The following LCOR variants were observed in gnomAD, a reference collection of about 807,000 sequenced individuals.
LCOR encodes ligand dependent nuclear receptor corepressor.
A neutral mutation model predicts 64.4 loss-of-function variants in LCOR; 14 were observed. That is an observed-to-expected ratio of 0.22 (90% CI 0.14 to 0.34). The LOEUF (loss-of-function observed/expected upper bound fraction) is 0.34, where lower values mean the gene tolerates loss of function less well. LCOR is among the 10% of genes least tolerant of loss of function. The pLI, the probability that LCOR is intolerant of heterozygous loss-of-function variation, is 1.00. For missense variants in LCOR, 1,686 were observed against 1,765.3 expected, an observed-to-expected ratio of 0.96 and a Z score of 0.80; for synonymous variants, 643 against 642.5, an observed-to-expected ratio of 1.00 and a Z score of -0.01.
At chr10:96,944,031 TACTA>T (rs1589673752) in intron 4 of LCOR, 78 bp from the exon 5 acceptor site, 1 of 853,648 alleles carries the variant, frequency 1.2e-6, no homozygotes. Context: ...CCTTATTTGC[TACTA>T]ACTTTGATTT....
intron 2 of LCOR, among the ~76,000 whole-genome samples, chr10:96,872,408 G>C (rs1846086852): frequency 6.6e-6 from 1 of 152,184 alleles, no homozygotes; most frequent in Non-Finnish European, 1.5e-5. Context: ...AAATAAAGGA[G>C]GAGGCTGGGT....
At position 96,957,146 on chromosome 10, in the gene LCOR, G is replaced by T. The variant is rs187340010; in HGVS notation, c.332+4950G>T. 7.9e-4 allele frequency: 781 copies of T among 984,930 alleles called. 6 individuals are homozygous for T. In the African/African-American group the frequency reaches 0.013, roughly 16 times the overall value. The allele number at this position is 984,930 out of a possible 1,614,324, so 61.0% of individuals were successfully genotyped here. A position where few individuals can be genotyped will look rare whatever the true frequency, so the allele number is the denominator to read the frequency against. On this transcript the variant is annotated intron_variant, in intron 7 of 7. Coordinates refer to ENST00000421806, the MANE Select transcript of LCOR (RefSeq NM_001346516.2). ...TTAACTGATCCAAATACTAGTAGAA[G>T]GGGGAGGGAGAGGTGTTGGGTTTTT...
intron 2 of LCOR, among the ~76,000 whole-genome samples, chr10:96,835,315 T>C (rs1372017009): frequency 6.6e-6 from 1 of 152,244 alleles, no homozygotes; most frequent in Non-Finnish European, 1.5e-5. Context: ...TGATCAAATT[T>C]CTTAAAGCAT....
Position 96,866,961 on chromosome 10 carries a change from G to T in LCOR, c.-330+33482G>T, listed in dbSNP as rs529587952. Among the ~76,000 whole-genome samples the T allele has an allele frequency of 3.3e-5, 5 of 152,170 alleles. No homozygotes were observed. The East Asian group carries it at 7.7e-4, about 24-fold the overall frequency. The stretch of plus-strand genomic sequence containing the variant: ...AGATTGGTTTTTCCACATTTTGCCA[G>T]ATTTTTCGTATTTGTCAGTCTTTTC... On this transcript the variant is annotated intron_variant, in intron 2 of 7. Transcript: ENST00000421806.
intron 7 of LCOR, among the ~76,000 whole-genome samples, chr10:96,971,987 G>A (rs1387756129): frequency 6.6e-6 from 1 of 151,960 alleles, no homozygotes; most frequent in Non-Finnish European, 1.5e-5. Context: ...ACTTAGTTCA[G>A]TTCTACCCCC....
chr10:96,878,272 T>TA (rs1490514325), intron 2 of LCOR, among the ~76,000 whole-genome samples: 2 of 152,222 alleles, frequency 1.3e-5, no homozygotes, highest in South Asian at 4.1e-4. Flanking sequence ...CTTACGTTGA[T>TA]AATTGGCCAG....
At position 96,917,690 on chromosome 10, in the gene LCOR, ATAAT is replaced by A. The variant is rs1358018102; in HGVS notation, c.-184+9945_-184+9948del. ...GAGAAAATTATGGGAGGGTCTTATAATAATTCACAAAATGAAACTGTTCTAGAGT... is the reference window on the plus strand; with the variant it reads ...GAGAAAATTATGGGAGGGTCTTATAATCACAAAATGAAACTGTTCTAGAGT... On this transcript the variant is annotated intron_variant, in intron 4 of 7. Coordinates refer to ENST00000421806, the MANE Select transcript of LCOR (RefSeq NM_001346516.2). 2.6e-5 allele frequency among the ~76,000 whole-genome samples: 4 copies of A among 152,178 alleles called. No individual in the cohort carries two copies. The South Asian group carries it at 6.2e-4, about 24-fold the overall frequency.
chr10:96,917,085 G>A (rs1158590494), intron 4 of LCOR, among the ~76,000 whole-genome samples: 1 of 152,194 alleles, frequency 6.6e-6, no homozygotes, highest in Non-Finnish European at 1.5e-5. Context: ...ATATGAATCA[G>A]TGCTCAGTAA....
chr10:96,911,620 G>A (rs1846836393), intron 4 of LCOR, among the ~76,000 whole-genome samples: 1 of 152,148 alleles, frequency 6.6e-6, no homozygotes, highest in Admixed American at 6.5e-5. Flanking sequence ...GAAAGAGGGA[G>A]GGAATCCTCA....
At chr10:96,930,566 C>T (rs1480442633) in intron 4 of LCOR, among the ~76,000 whole-genome samples, 4 of 152,162 alleles carry the variant, frequency 2.6e-5, no homozygotes, top group African/African-American at 9.7e-5. Flanking sequence ...ACTGTCATTT[C>T]CCTTCAACCC....
intron 4 of LCOR, among the ~76,000 whole-genome samples, chr10:96,935,340 G>A (rs1704942898): frequency 6.6e-6 from 1 of 151,494 alleles, no homozygotes; most frequent in South Asian, 2.1e-4. Flanking sequence ...GCGGAGATGG[G>A]GTTTCACCAT....
chr10:96,931,270 G>A lies in LCOR; in HGVS notation c.-183-12843G>A, dbSNP rs866878833. ...TTTCTTTGAGATGGAGTCTTGCTCT[G>A]TTTCCCAGGCTAGAGTGCAGTGGTG... On this transcript the variant is annotated intron_variant, in intron 4 of 7. Transcript: ENST00000421806. Among the ~76,000 whole-genome samples the A allele has an allele frequency of 1.7e-3, 238 of 143,818 alleles. 1 individual carries two copies. Among genetic ancestry groups the A allele is most frequent in the African/African-American group, 5.9e-3 (228 of 38,896 alleles). 94.4% of individuals were successfully genotyped at this position (143,818 alleles called of 152,430 possible).
At chr10:96,874,588 A>G (rs948239034) in intron 2 of LCOR, among the ~76,000 whole-genome samples, 2 of 152,126 alleles carry the variant, frequency 1.3e-5, no homozygotes, top group East Asian at 1.9e-4. Context: ...TACTCTGCAA[A>G]TAATAGACCA....
chr10:96,971,858 A>G (rs1848001875), intron 7 of LCOR, among the ~76,000 whole-genome samples: 1 of 152,210 alleles, frequency 6.6e-6, no homozygotes, highest in Non-Finnish European at 1.5e-5. Context: ...TCTAGCATAG[A>G]GTATCTAAAT....
At chr10:96,963,608 G>C (rs949913828) in intron 7 of LCOR, 1 of 152,166 alleles carries the variant, frequency 6.6e-6, no homozygotes, top group Non-Finnish European at 1.5e-5. Flanking sequence ...CAGAGGTCTA[G>C]GTCTGCATAT....
intron 1 of LCOR, chr10:96,832,963 C>A: frequency 2.0e-6 from 2 of 982,044 alleles, no homozygotes; most frequent in Non-Finnish European, 2.4e-6. Flanking sequence ...GTGTGCGAAG[C>A]GTGAGGTGGA....
chr10:96,888,294 G>A (rs1018377267), intron 2 of LCOR, among the ~76,000 whole-genome samples: 1 of 147,800 alleles, frequency 6.8e-6, no homozygotes, highest in Non-Finnish European at 1.5e-5. Flanking sequence ...GAACCCGGTG[G>A]GCGGAGGTTG....
Position 96,981,819 on chromosome 10 carries a change from G to A in LCOR, c.1359G>A (p.Arg453=), listed in dbSNP as rs187376408. ...TATCAACCTCCATCAAGACAGCTCGGAAAAGTAAAAGGGCATCAGGGCTGA... is the reference window on the plus strand; with the variant it reads ...TATCAACCTCCATCAAGACAGCTCGAAAAAGTAAAAGGGCATCAGGGCTGA... ...KMISTSIKTA[R]KSKRASGLRI... Residue 453 remains arginine, a synonymous_variant, in exon 8 of 8, where the codon CGG becomes CGA. Coordinates refer to ENST00000421806, the MANE Select transcript of LCOR (RefSeq NM_001346516.2). 5 of 1,614,194 alleles carry A rather than the reference G, an allele frequency of 3.1e-6. No homozygotes were observed. The East Asian group carries it at 1.1e-4, about 36-fold the overall frequency.
At chr10:96,887,309 T>G (rs1449494983) in intron 2 of LCOR, among the ~76,000 whole-genome samples, 6 of 152,168 alleles carry the variant, frequency 3.9e-5, no homozygotes, top group African/African-American at 1.4e-4. Flanking sequence ...GGCTCACGCT[T>G]GTAATCCCAG....
Sources: allele counts gnomAD v4.1 joint callset (sites outside exome capture counted in the v4.1 genomes callset), GRCh38; gene constraint gnomAD v4.1.1; transcripts MANE v1.5; gene names NCBI Gene and HGNC (gene_info 2026-07-23, HGNC 2026-07-21).